Variants in CFAP157 observed in about 807,000 individuals in gnomAD.
CFAP157 encodes the protein cilia and flagella associated protein 157, also known as cilia- and flagella-associated protein 157.
CFAP157 carries 43 observed loss-of-function variants against 57.8 expected under a neutral mutation model. The ratio of observed to expected loss-of-function variants is 0.74; its 90% CI spans 0.58 to 0.96. CFAP157 has a LOEUF of 0.96. Among genes scored for constraint, CFAP157 ranks in the 40% least tolerant of loss-of-function variants. CFAP157 has a pLI of 0.00. For missense variants in CFAP157, 606 were observed against 655.3 expected (o/e 0.92, Z 0.82); for synonymous variants, 267 against 269.0 (o/e 0.99, Z 0.07).
At chr9:127,707,662 G>T (rs999056760) in intron 1 of CFAP157, among the ~76,000 whole-genome samples, 1 of 152,238 alleles carries the variant, frequency 6.6e-6, no homozygotes, top group Non-Finnish European at 1.5e-5. Flanking sequence ...AGTGGGGAAG[G>T]TTGATTCCCC....
Position 127,715,010 on chromosome 9 carries a change from A to C in CFAP157, c.*1105A>C. On this transcript the variant is annotated 3_prime_UTR_variant, in exon 9 of 9. Transcript: ENST00000373295. The surrounding 1 kb of genome is among the most constrained non-coding windows in gnomAD (Gnocchi z 5.8). ...CACGCTGCGCCCGTTGGCGTTCATA[A>C]GCCGCCGTGGCCGGAGCAGGACCAG... The C allele has an allele frequency of 6.8e-7, 1 of 1,468,660 alleles. No individual in the cohort carries two copies. The highest frequency in any genetic ancestry group is 2.6e-5 in the East Asian group (1 of 37,848). 91.0% of individuals were successfully genotyped at this position (1,468,660 alleles called of 1,614,324 possible).
chr9:127,714,465 G>A lies in CFAP157; in HGVS notation c.*560G>A. The A allele has an allele frequency of 2.5e-6, 4 of 1,611,990 alleles. No individual in the cohort carries two copies. Among genetic ancestry groups the A allele is most frequent in the Non-Finnish European group, 3.4e-6 (4 of 1,178,062 alleles). ...GAGGGGCAGTTAGTGCCTCCCTGGG[G>A]CAGTGTCCTTCCACCCCTCCCTGCC... On this transcript the variant is annotated 3_prime_UTR_variant, in exon 9 of 9. Transcript: ENST00000373295.
chr9:127,712,944 G>A, intron 7 of CFAP157, 69 bp downstream of exon 7: 1 of 1,590,426 alleles, frequency 6.3e-7, no homozygotes, highest in Non-Finnish European at 8.6e-7. Context: ...TCAGCCATGG[G>A]GACAGTGCTC....
rs1842959847 is a variant in CFAP157 at position 127,715,666 on chromosome 9, C to T, written c.*1761C>T. ...CTGCCCCCATTCACTCCGACACCGC[C>T]CCCTGACGTCATCACCCCGCAGCAG... is the stretch of plus-strand genomic sequence containing the variant. On this transcript the variant is annotated 3_prime_UTR_variant, in exon 9 of 9. Transcript: ENST00000373295. This position sits in a 1 kb window ranked among gnomAD's most constrained non-coding sequence, Gnocchi z 5.8. 6.2e-7 allele frequency: 1 copy of T among 1,604,678 alleles called. No homozygotes were observed. Among genetic ancestry groups the T allele is most frequent in the South Asian group, 1.1e-5 (1 of 90,376 alleles).
At position 127,713,786 on chromosome 9, in the gene CFAP157, T is replaced by C. The variant is rs112621784; in HGVS notation, c.1492-48T>C. 3.1e-3 allele frequency: 4,650 copies of C among 1,505,186 alleles called. 123 individuals carry two copies. In the African/African-American group the frequency reaches 0.056, roughly 18 times the overall value. The allele number at this position is 1,505,186 out of a possible 1,614,324, so 93.2% of individuals were successfully genotyped here. A position where few individuals can be genotyped will look rare whatever the true frequency, so the allele number is the denominator to read the frequency against. ...CCTCCCAAAGTGCTGGGATTATAGG[T>C]GTGAGCCACTGCACCCGGCCTCCAA... On this transcript the variant is annotated intron_variant, in intron 8 of 8. Transcript: ENST00000373295.
intron 5 of CFAP157, 56 bp downstream of exon 5, chr9:127,712,006 G>A (rs1842777164): frequency 1.3e-6 from 2 of 1,561,094 alleles, no homozygotes; most frequent in African/African-American, 1.3e-5. Context: ...CCAAGCTCTG[G>A]CCCAGCTCTT....
chr9:127,714,305 C>A lies in CFAP157; in HGVS notation c.*400C>A. ...TGCCTGTGGGAGAGCCAGAGAGGCC[C>A]AGGAAGCTTTGGCGAGGTGCTGGGG... On this transcript the variant is annotated 3_prime_UTR_variant, in exon 9 of 9. Transcript: ENST00000373295. 1.2e-6 allele frequency: 2 copies of A among 1,614,046 alleles called. No homozygotes were observed. Among genetic ancestry groups the A allele is most frequent in the Non-Finnish European group, 1.7e-6 (2 of 1,179,938 alleles).
Position 127,714,179 on chromosome 9 carries a change from G to GGCA in CFAP157, c.*280_*282dup. On this transcript the variant is annotated 3_prime_UTR_variant, in exon 9 of 9. Transcript: ENST00000373295. Reference sequence around the variant, plus strand: ...GTCGGTGGCTCGATCCAGCAACAGAGGCAGCAGCTCCTGCTCAGCAGGGGA... The same window carrying GGCA: ...GTCGGTGGCTCGATCCAGCAACAGAGGCAGCAGCAGCTCCTGCTCAGCAGGGGA... The GGCA allele has an allele frequency of 6.2e-7, 1 of 1,613,924 alleles. No homozygotes were observed.
In CFAP157 at chr9:127,715,615, C is replaced by T. The variant is rs893744917; in HGVS notation, c.*1710C>T. 1 of 1,612,850 alleles carries T rather than the reference C, an allele frequency of 6.2e-7. No individual in the cohort carries two copies. ...ATGGCTCTACTCAGCCGCTGTCCGG[C>T]GCCCAAAAAGCCGCCCGGCCTCATG... On this transcript the variant is annotated 3_prime_UTR_variant, in exon 9 of 9. Coordinates refer to ENST00000373295, the MANE Select transcript of CFAP157 (RefSeq NM_001012502.3). This position sits in a 1 kb window ranked among gnomAD's most constrained non-coding sequence, Gnocchi z 5.8.
At position 127,710,282 on chromosome 9, in the gene CFAP157, CA is replaced by C. The variant is rs60165824; in HGVS notation, c.434-302del. On this transcript the variant is annotated intron_variant, in intron 2 of 8. Transcript: ENST00000373295. The stretch of plus-strand genomic sequence containing the variant: ...TGAGTGACAGAGGAAGACCCTGTCT[CA>C]AAAAAAAAAAAAAAAACAAAACAGT... 6.7e-3 allele frequency among the ~76,000 whole-genome samples: 554 copies of C among 82,590 alleles called. 1 individual carries two copies. The highest frequency in any genetic ancestry group is 0.02 in the African/African-American group (412 of 20,176). The allele number at this position is 82,590 out of a possible 152,430, so 54.2% of individuals were successfully genotyped here. A position where few individuals can be genotyped will look rare whatever the true frequency, so the allele number is the denominator to read the frequency against.
In CFAP157 at chr9:127,715,810, A is replaced by T. The variant is rs946628302; in HGVS notation, c.*1905A>T. On this transcript the variant is annotated 3_prime_UTR_variant, in exon 9 of 9. Coordinates refer to ENST00000373295, the MANE Select transcript of CFAP157 (RefSeq NM_001012502.3). The surrounding 1 kb of genome is among the most constrained non-coding windows in gnomAD (Gnocchi z 5.8). Reference sequence around the variant, plus strand: ...AGGCGGTGGCCGAGTCCGGGAACCCAGGCGCCTTCAGTAGCGCGGCGTCAC... The same window carrying T: ...AGGCGGTGGCCGAGTCCGGGAACCCTGGCGCCTTCAGTAGCGCGGCGTCAC... 1.2e-5 allele frequency: 16 copies of T among 1,311,726 alleles called. No homozygotes were observed. Among genetic ancestry groups the T allele is most frequent in the Non-Finnish European group, 1.6e-5 (15 of 964,494 alleles). The allele number at this position is 1,311,726 out of a possible 1,614,324, so 81.3% of individuals were successfully genotyped here. A position where few individuals can be genotyped will look rare whatever the true frequency, so the allele number is the denominator to read the frequency against.
rs2131599907 is a variant in CFAP157, at chr9:127,714,917, CG to C, written c.*1013del. 5 of 799,020 alleles carry C rather than the reference CG, an allele frequency of 6.3e-6. No individual in the cohort carries two copies. The highest frequency in any genetic ancestry group is 1.8e-5 in the South Asian group (1 of 57,028). 49.5% of individuals were successfully genotyped at this position (799,020 alleles called of 1,614,324 possible). A position where few individuals can be genotyped will look rare whatever the true frequency, so the allele number is the denominator to read the frequency against. On this transcript the variant is annotated 3_prime_UTR_variant, in exon 9 of 9. Coordinates refer to ENST00000373295, the MANE Select transcript of CFAP157 (RefSeq NM_001012502.3). ...ACAGCCAGTGCTCCCCTCTGGCCCCCGCGCCCCAACCCCCACCCCCTTGGCC... is the reference window on the plus strand; with the variant it reads ...ACAGCCAGTGCTCCCCTCTGGCCCCCCGCCCCAACCCCCACCCCCTTGGCC...
chr9:127,707,409 T>G (rs952510005), intron 1 of CFAP157, among the ~76,000 whole-genome samples: 3 of 152,156 alleles, frequency 2.0e-5, no homozygotes, highest in African/African-American at 7.2e-5. Flanking sequence ...TCCCAGCTCC[T>G]AGAACCCTGG....
Position 127,709,353 on chromosome 9 carries a change from G to C in CFAP157, c.162-69G>C. 6.6e-7 allele frequency: 1 copy of C among 1,523,326 alleles called. No individual in the cohort carries two copies. Among genetic ancestry groups the C allele is most frequent in the Non-Finnish European group, 8.9e-7 (1 of 1,122,954 alleles). 94.4% of individuals were successfully genotyped at this position (1,523,326 alleles called of 1,614,324 possible). On this transcript the variant is annotated intron_variant, in intron 1 of 8. Coordinates refer to ENST00000373295, the MANE Select transcript of CFAP157 (RefSeq NM_001012502.3). The surrounding 1 kb of genome is among the most constrained non-coding windows in gnomAD (Gnocchi z 4.7). ...ACGGGACAGGGAGTCCAGGAGAGTG[G>C]GCCCAGCTGCACCAGAGGCCTGGCT... is the stretch of plus-strand genomic sequence containing the variant.
In CFAP157 at chr9:127,715,802, G is replaced by C; in HGVS notation, c.*1897G>C. 3.6e-6 allele frequency: 5 copies of C among 1,385,486 alleles called. No individual in the cohort carries two copies. The highest frequency in any genetic ancestry group is 4.9e-6 in the Non-Finnish European group (5 of 1,030,104). The allele number at this position is 1,385,486 out of a possible 1,614,324, so 85.8% of individuals were successfully genotyped here. ...AAGCGGCGAGGCGGTGGCCGAGTCCGGGAACCCAGGCGCCTTCAGTAGCGC... is the reference window on the plus strand; with the variant it reads ...AAGCGGCGAGGCGGTGGCCGAGTCCCGGAACCCAGGCGCCTTCAGTAGCGC... On this transcript the variant is annotated 3_prime_UTR_variant, in exon 9 of 9. Coordinates refer to ENST00000373295, the MANE Select transcript of CFAP157 (RefSeq NM_001012502.3). The surrounding 1 kb of genome is among the most constrained non-coding windows in gnomAD (Gnocchi z 5.8).
intron 1 of CFAP157, among the ~76,000 whole-genome samples, chr9:127,707,858 A>G (rs1178759226): frequency 6.6e-6 from 1 of 152,196 alleles, no homozygotes; most frequent in African/African-American, 2.4e-5. Context: ...ACAAACCAGT[A>G]GGCGGCAGCT....
chr9:127,712,720 TG>T lies in CFAP157; in HGVS notation c.1150del (p.Glu384LysfsTer8), dbSNP rs1453438744. 3.7e-6 allele frequency: 6 copies of T among 1,614,004 alleles called. No homozygotes were observed. Among genetic ancestry groups the T allele is most frequent in the Non-Finnish European group, 5.1e-6 (6 of 1,180,002 alleles). On this transcript the variant is annotated frameshift_variant, in exon 7 of 9. Transcript: ENST00000373295. LOFTEE classifies it high-confidence loss of function. ...LQNILQMHRDEEDSDVDVTFQ... is the reference protein window; with the variant it reads ...LQNILQMHRDXEDSDVDVTFQ... The stretch of plus-strand genomic sequence containing the variant: ...ACCCTCACCAACAGATGCACCGCGA[TG>T]AAGAGGACAGTGACGTTGACGTGAC...
chr9:127,710,491 C>A, intron 2 of CFAP157, 110 bp from the exon 3 acceptor site: 1 of 1,348,778 alleles, frequency 7.4e-7, no homozygotes, highest in South Asian at 1.4e-5. Flanking sequence ...ACTGAGACCA[C>A]ACAGGGCGCA....
In CFAP157 at chr9:127,715,506, G is replaced by C. The variant is rs752126401; in HGVS notation, c.*1601G>C. 14 of 1,612,586 alleles carry C rather than the reference G, an allele frequency of 8.7e-6. No homozygotes were observed. The highest frequency in any genetic ancestry group is 1.0e-5 in the Non-Finnish European group (12 of 1,179,796). ...ACATAATGGCCGAACTGAAGCTAGGGACCGGGAGCCCCTACGTCGCCGCCC... is the reference window on the plus strand; with the variant it reads ...ACATAATGGCCGAACTGAAGCTAGGCACCGGGAGCCCCTACGTCGCCGCCC... On this transcript the variant is annotated 3_prime_UTR_variant, in exon 9 of 9. Transcript: ENST00000373295. This position sits in a 1 kb window ranked among gnomAD's most constrained non-coding sequence, Gnocchi z 5.8.
Sources: allele counts gnomAD v4.1 joint callset (sites outside exome capture counted in the v4.1 genomes callset), GRCh38; gene constraint gnomAD v4.1.1; non-coding constraint Gnocchi (gnomAD v3.1); transcripts MANE v1.5; gene names NCBI Gene and HGNC (gene_info 2026-07-23, HGNC 2026-07-21).